The following OTOF variants were observed in gnomAD, a reference collection of about 807,000 sequenced individuals.
OTOF encodes fer-1-like family member 2.
In OTOF, 218 loss-of-function variants were observed where a neutral mutation model predicts 236.8. That is an observed-to-expected ratio of 0.92 (90% CI 0.82 to 1.03). The LOEUF (loss-of-function observed/expected upper bound fraction) is 1.03, where lower values mean the gene tolerates loss of function less well. Among genes scored for constraint, OTOF ranks in the 50% least tolerant of loss-of-function variants. OTOF has a pLI of 0.00. For synonymous variants in OTOF, 1,041 were observed against 1,072.5 expected, an observed-to-expected ratio of 0.97 and a Z score of 0.57; for missense variants, 2,590 against 2,694.4, an observed-to-expected ratio of 0.96 and a Z score of 0.86.
At position 26,460,491 on chromosome 2, in the gene OTOF, G is replaced by A. The variant is rs1012819381; in HGVS notation, c.5813+156C>T. 2.6e-5 allele frequency among the ~76,000 whole-genome samples: 4 copies of A among 152,218 alleles called. No homozygotes were observed. Among genetic ancestry groups the A allele is most frequent in the East Asian group, 1.9e-4 (1 of 5,184 alleles). ...AGCCCATCCTCTGGTTCAAAGGGAC[G>A]TTGTGGGATTCAGGGTTGGCAGAGG... is the stretch of plus-strand genomic sequence containing the variant. On this transcript the variant is annotated intron_variant, in intron 45 of 46. Transcript: ENST00000272371. The surrounding 1 kb of genome is among the most constrained non-coding windows in gnomAD (Gnocchi z 5.3).
At position 26,477,998 on chromosome 2, in the gene OTOF, G is replaced by C; in HGVS notation, c.2215-249C>G. 1 of 1,453,882 alleles carries C rather than the reference G, an allele frequency of 6.9e-7. No homozygotes were observed. The highest frequency in any genetic ancestry group is 9.0e-7 in the Non-Finnish European group (1 of 1,106,646). The allele number at this position is 1,453,882 out of a possible 1,614,324, so 90.1% of individuals were successfully genotyped here. A position where few individuals can be genotyped will look rare whatever the true frequency, so the allele number is the denominator to read the frequency against. Reference sequence around the variant, plus strand: ...GGAAGAAGCCACCTCTGGGCTGTGAGTCTGTGGCTCTGGTGAGCTCACAGG... The same window carrying C: ...GGAAGAAGCCACCTCTGGGCTGTGACTCTGTGGCTCTGGTGAGCTCACAGG... On this transcript the variant is annotated intron_variant, in intron 18 of 46. Transcript: ENST00000272371. This position sits in a 1 kb window ranked among gnomAD's most constrained non-coding sequence, Gnocchi z 4.7.
At chr2:26,497,513 C>T (rs1468457049) in intron 8 of OTOF, among the ~76,000 whole-genome samples, 1 of 152,112 alleles carries the variant, frequency 6.6e-6, no homozygotes, top group Non-Finnish European at 1.5e-5. Context: ...AATTATCTTC[C>T]CTTTCCATGA....
chr2:26,534,408 G>A (rs1268361628), intron 2 of OTOF, among the ~76,000 whole-genome samples: 1 of 152,162 alleles, frequency 6.6e-6, no homozygotes, highest in African/African-American at 2.4e-5. Context: ...CAGAGTTGTA[G>A]GTTAAATGTA....
rs751973073 is a variant in OTOF, at chr2:26,482,505, G to A, written c.1480C>T (p.Arg494Cys). Residue 494 changes from arginine to cysteine, a missense_variant, in exon 14 of 47, where the codon CGC becomes TGC. Physicochemically the swap from Arg to Cys is radical, Grantham distance 180. Around this residue, in one of 2 missense-constraint regions of OTOF, gnomAD observed 1,379 missense variants for 1,341.6 expected, o/e 1.03. Coordinates refer to ENST00000272371, the MANE Select transcript of OTOF (RefSeq NM_194248.3). ...FTDLFPPLCK[R>C]MKVQIRDSDK... is the part of the protein sequence containing the mutation. ...GAGTCTCGGATCTGCACCTTCATGCGTTTGCAGAGTGGGGGGAAGAGGTCT... is the reference window on the plus strand; with the variant it reads ...GAGTCTCGGATCTGCACCTTCATGCATTTGCAGAGTGGGGGGAAGAGGTCT... 8.1e-6 allele frequency: 13 copies of A among 1,613,306 alleles called. No individual in the cohort carries two copies. The highest frequency in any genetic ancestry group is 2.2e-5 in the South Asian group (2 of 91,088).
chr2:26,472,688 G>A (rs1665050053), intron 29 of OTOF, 39 bp from the exon 30 acceptor site: 2 of 1,607,916 alleles, frequency 1.2e-6, no homozygotes, highest in Admixed American at 3.4e-5. Flanking sequence ...GCAGAGGAAG[G>A]AGCAAGAGGA....
At position 26,461,591 on chromosome 2, in the gene OTOF, G is replaced by T; in HGVS notation, c.5533+105C>A. 1 of 1,490,798 alleles carries T rather than the reference G, an allele frequency of 6.7e-7. No individual in the cohort carries two copies. Among genetic ancestry groups the T allele is most frequent in the South Asian group, 1.1e-5 (1 of 87,084 alleles). 92.3% of individuals were successfully genotyped at this position (1,490,798 alleles called of 1,614,324 possible). A position where few individuals can be genotyped will look rare whatever the true frequency, so the allele number is the denominator to read the frequency against. ...CTGGCTCTGATGGACTGGAAGCAAT[G>T]ACCCCTTGTCCCCCCAAGGCAGGGC... On this transcript the variant is annotated intron_variant, in intron 43 of 46. Transcript: ENST00000272371. This position sits in a 1 kb window ranked among gnomAD's most constrained non-coding sequence, Gnocchi z 6.2.
At chr2:26,550,982 C>A (rs898491126) in intron 1 of OTOF, among the ~76,000 whole-genome samples, 19 of 151,934 alleles carry the variant, frequency 1.3e-4, no homozygotes, top group African/African-American at 4.6e-4. Flanking sequence ...TGGGATGGAG[C>A]CTTTCATGGC....
intron 1 of OTOF, among the ~76,000 whole-genome samples, chr2:26,552,439 G>A (rs1236801626): frequency 6.6e-6 from 1 of 152,200 alleles, no homozygotes; most frequent in East Asian, 1.9e-4. Flanking sequence ...CACATGATCG[G>A]TAAAAGTGGC....
At chr2:26,534,145 C>T (rs1344238801) in intron 2 of OTOF, among the ~76,000 whole-genome samples, 1 of 152,178 alleles carries the variant, frequency 6.6e-6, no homozygotes, top group African/African-American at 2.4e-5. Context: ...AGGATGCTAC[C>T]AATCCAGCAA....
At chr2:26,539,403 T>A (rs979224571) in intron 1 of OTOF, among the ~76,000 whole-genome samples, 1 of 152,154 alleles carries the variant, frequency 6.6e-6, no homozygotes, top group African/African-American at 2.4e-5. Flanking sequence ...TATATGCATA[T>A]ATTTCTTCTA....
intron 30 of OTOF, among the ~76,000 whole-genome samples, chr2:26,471,916 A>G (rs1281004566): frequency 6.6e-6 from 1 of 151,756 alleles, no homozygotes; most frequent in African/African-American, 2.4e-5. Context: ...TACCACACTC[A>G]TGCACATTTA....
intron 46 of OTOF, among the ~76,000 whole-genome samples, chr2:26,459,380 G>A (rs1333090074): frequency 7.9e-5 from 12 of 151,928 alleles, no homozygotes; most frequent in East Asian, 3.9e-4. Flanking sequence ...GTGAAACCCC[G>A]TCTCTACTAA....
intron 5 of OTOF, among the ~76,000 whole-genome samples, chr2:26,513,573 C>G (rs111555550): frequency 6.6e-6 from 1 of 152,236 alleles, no homozygotes; most frequent in African/African-American, 2.4e-5. Context: ...CGGACCCTAA[C>G]GGTCAAGATG....
chr2:26,536,009 G>T (rs1475562637), intron 2 of OTOF, among the ~76,000 whole-genome samples: 1 of 152,222 alleles, frequency 6.6e-6, no homozygotes, highest in Non-Finnish European at 1.5e-5. Flanking sequence ...CTTGGGAGGA[G>T]GGAGTCAGAT....
At chr2:26,492,695 G>A (rs141823731) in intron 9 of OTOF, among the ~76,000 whole-genome samples, 44 of 152,186 alleles carry the variant, frequency 2.9e-4, no homozygotes, top group Middle Eastern at 6.8e-3. Flanking sequence ...AACAAATAGC[G>A]AGGCAGGAGA....
rs1445313683 is a variant in OTOF at position 26,464,761 on chromosome 2, A to G, written c.4960+108T>C. The G allele has an allele frequency of 2.7e-6, 3 of 1,111,144 alleles. No homozygotes were observed. In the Admixed American group the frequency reaches 6.9e-5, roughly 26 times the overall value. The allele number at this position is 1,111,144 out of a possible 1,614,324, so 68.8% of individuals were successfully genotyped here. ...GGTCACTAAGACCAGGTTTAGGCTG[A>G]GGACACCCCAGGCTAGGCTGTGAGG... is the stretch of plus-strand genomic sequence containing the variant. On this transcript the variant is annotated intron_variant, in intron 39 of 46. Coordinates refer to ENST00000272371, the MANE Select transcript of OTOF (RefSeq NM_194248.3).
Position 26,467,492 on chromosome 2 carries a change from C to A in OTOF, c.4100G>T (p.Gly1367Val), listed in dbSNP as rs1664789192. 2 of 1,613,938 alleles carry A rather than the reference C, an allele frequency of 1.2e-6. No individual in the cohort carries two copies. The highest frequency in any genetic ancestry group is 1.7e-6 in the Non-Finnish European group (2 of 1,179,982). Residue 1367 changes from glycine to valine, a missense_variant, in exon 34 of 47, where the codon GGG (glycine) becomes GTG (valine). This residue lies in a region of OTOF where 1,211 missense variants were observed against 1,352.8 expected (regional missense o/e 0.90). Transcript: ENST00000272371. ...EEVDNTEGLKGSMKGKEKARA... is the reference protein window; with the variant it reads ...EEVDNTEGLKVSMKGKEKARA... ...TGCCTTCTCCTTGCCCTTCATTGACCCCTTCAGGCCTGGCCAGAAGCAGAA... is the reference window on the plus strand; with the variant it reads ...TGCCTTCTCCTTGCCCTTCATTGACACCTTCAGGCCTGGCCAGAAGCAGAA...
intron 8 of OTOF, among the ~76,000 whole-genome samples, chr2:26,498,069 C>T (rs1247571756): frequency 1.3e-5 from 2 of 152,216 alleles, no homozygotes; most frequent in African/African-American, 4.8e-5. Context: ...AGCAGCAAGT[C>T]CTCTTCCCAC....
chr2:26,555,519 G>A lies in OTOF; in HGVS notation c.79+2974C>T, dbSNP rs553204117. ...CTAAGAGCTAGATACAGAACTGGCT[G>A]GGAGCACTGACCGAGGGGCCGACTG... On this transcript the variant is annotated intron_variant, in intron 1 of 46. Transcript: ENST00000272371. Among the ~76,000 whole-genome samples the A allele has an allele frequency of 7.9e-5, 12 of 152,346 alleles. No homozygotes were observed. In the South Asian group the frequency reaches 2.5e-3, roughly 32 times the overall value.
Sources: gnomAD v4.1 joint callset for allele counts (sites outside exome capture counted in the v4.1 genomes callset) on GRCh38, gnomAD v4.1.1 for gene constraint, gnomAD v4.1.1 regional missense constraint, Gnocchi (gnomAD v3.1) non-coding constraint, MANE v1.5 for transcripts, NCBI Gene and HGNC (gene_info 2026-07-23, HGNC 2026-07-21) for gene names.